Variants in WWC2 observed in about 807,000 individuals in gnomAD.
The protein encoded by WWC2 is WW and C2 domain containing 2.
Under a neutral mutation model 138.5 loss-of-function variants are expected in WWC2, and 101 were observed. The observed-to-expected ratio is 0.73, with a 90% CI of 0.62 to 0.86. WWC2 has a LOEUF of 0.86. WWC2 is among the 40% of genes least tolerant of loss of function. The probability of loss-of-function intolerance (pLI) is 0.00; values close to 1 mark genes in which losing one functional copy is unlikely to be tolerated. For missense variants in WWC2, 1,420 were observed against 1,419.4 expected, an observed-to-expected ratio of 1.00 and a Z score of -0.01; for synonymous variants, 558 against 538.4, an observed-to-expected ratio of 1.04 and a Z score of -0.50.
intron 1 of WWC2, among the ~76,000 whole-genome samples, chr4:183,110,194 A>G (rs1387789256): frequency 6.6e-6 from 1 of 152,260 alleles, no homozygotes; most frequent in Non-Finnish European, 1.5e-5. Context: ...AGTTGTACAT[A>G]GGACATGAGA....
chr4:183,180,678 A>G (rs931352274), intron 1 of WWC2, among the ~76,000 whole-genome samples: 3 of 152,166 alleles, frequency 2.0e-5, no homozygotes, highest in Non-Finnish European at 2.9e-5. Flanking sequence ...TGCATGCTAT[A>G]TAATAACATT....
intron 21 of WWC2, among the ~76,000 whole-genome samples, chr4:183,296,860 G>A (rs947793033): frequency 2.9e-5 from 4 of 138,784 alleles, no homozygotes; most frequent in African/African-American, 5.4e-5. Context: ...CGTGAACCCC[G>A]GAGGCGGAGC....
At chr4:183,176,712 C>A (rs1734477974) in intron 1 of WWC2, among the ~76,000 whole-genome samples, 1 of 152,130 alleles carries the variant, frequency 6.6e-6, no homozygotes, top group Admixed American at 6.5e-5. Flanking sequence ...CGTGAGCCAC[C>A]ATGCCCAGCC....
intron 1 of WWC2, among the ~76,000 whole-genome samples, chr4:183,167,148 C>T (rs1026505913): frequency 6.6e-6 from 1 of 152,144 alleles, no homozygotes; most frequent in East Asian, 1.9e-4. Flanking sequence ...GAGTGTGGTT[C>T]TTCTCTGTGT....
chr4:183,133,325 C>G (rs1389900582), intron 1 of WWC2, among the ~76,000 whole-genome samples: 6 of 151,690 alleles, frequency 4.0e-5, no homozygotes, highest in African/African-American at 1.5e-4. Context: ...TGCCTGTTTT[C>G]TTTTTTCAAA....
chr4:183,271,300 A>G, intron 16 of WWC2, 59 bp downstream of exon 16: 1 of 1,353,254 alleles, frequency 7.4e-7, no homozygotes, highest in African/African-American at 1.5e-5. Flanking sequence ...TGAAATACAT[A>G]TATGAAAGTA....
At chr4:183,133,297 G>C (rs1419748930) in intron 1 of WWC2, among the ~76,000 whole-genome samples, 1 of 151,498 alleles carries the variant, frequency 6.6e-6, no homozygotes, top group African/African-American at 2.4e-5. Flanking sequence ...TGGGACTATA[G>C]GAGCACACCC....
At chr4:183,136,385 ACTT>A (rs1488909719) in intron 1 of WWC2, among the ~76,000 whole-genome samples, 4 of 151,996 alleles carry the variant, frequency 2.6e-5, no homozygotes, top group Non-Finnish European at 5.9e-5. Context: ...CTGCTGTGAA[ACTT>A]CTTATTTGAA....
chr4:183,297,225 G>A (rs1023211972), intron 21 of WWC2, among the ~76,000 whole-genome samples: 12 of 151,792 alleles, frequency 7.9e-5, no homozygotes, highest in African/African-American at 4.8e-5. Context: ...CTCCCTCCTC[G>A]GCCTCCCAAA....
chr4:183,138,762 C>T (rs889337357), intron 1 of WWC2, among the ~76,000 whole-genome samples: 1 of 152,144 alleles, frequency 6.6e-6, no homozygotes, highest in African/African-American at 2.4e-5. Context: ...TTCTCGCTAG[C>T]TCATGGACAA....
intron 1 of WWC2, among the ~76,000 whole-genome samples, chr4:183,159,814 C>T (rs1441261283): frequency 6.6e-6 from 1 of 151,658 alleles, no homozygotes; most frequent in Non-Finnish European, 1.5e-5. Context: ...TTCCTCCTTC[C>T]ATATGCCTTA....
chr4:183,278,203 C>T (rs1030845008), intron 16 of WWC2, among the ~76,000 whole-genome samples: 2 of 151,836 alleles, frequency 1.3e-5, no homozygotes, highest in African/African-American at 4.8e-5. Flanking sequence ...TATGGCTAGC[C>T]AGTTTTCCCA....
At chr4:183,194,949 G>A (rs1735094574) in intron 2 of WWC2, among the ~76,000 whole-genome samples, 1 of 152,124 alleles carries the variant, frequency 6.6e-6, no homozygotes, top group African/African-American at 2.4e-5. Context: ...CGACTTTTTT[G>A]TAGAGCTATT....
At chr4:183,211,080 C>T (rs375225116) in intron 4 of WWC2, among the ~76,000 whole-genome samples, 5 of 152,288 alleles carry the variant, frequency 3.3e-5, no homozygotes, top group African/African-American at 1.2e-4. Flanking sequence ...TTTCTAACTT[C>T]CTTTATGATT....
intron 1 of WWC2, among the ~76,000 whole-genome samples, chr4:183,150,494 G>A (rs1733606219): frequency 6.6e-6 from 1 of 152,054 alleles, no homozygotes; most frequent in South Asian, 2.1e-4. Flanking sequence ...GTACGTTGAT[G>A]TCATTATATA....
chr4:183,287,080 A>G (rs1310705405), intron 20 of WWC2, among the ~76,000 whole-genome samples: 3 of 152,072 alleles, frequency 2.0e-5, no homozygotes, highest in African/African-American at 7.2e-5. Flanking sequence ...ATCAGGCATG[A>G]TGGCTGGGAA....
intron 20 of WWC2, among the ~76,000 whole-genome samples, chr4:183,286,852 C>T (rs372952568): frequency 2.0e-5 from 3 of 152,180 alleles, no homozygotes; most frequent in South Asian, 4.2e-4. Flanking sequence ...GGGAATTAGC[C>T]CATCTGATTG....
At chr4:183,197,822 A>C (rs1735186018) in intron 2 of WWC2, among the ~76,000 whole-genome samples, 1 of 152,132 alleles carries the variant, frequency 6.6e-6, no homozygotes, top group Non-Finnish European at 1.5e-5. Context: ...ACTTTGACGT[A>C]TGTATAGTCC....
At chr4:183,215,878 AT>A (rs1735742494) in intron 4 of WWC2, among the ~76,000 whole-genome samples, 1 of 152,176 alleles carries the variant, frequency 6.6e-6, no homozygotes, top group African/African-American at 2.4e-5. Flanking sequence ...AAAGCAATTA[AT>A]TTTTCCTGTT....
Sources: gnomAD v4.1 joint callset for allele counts (sites outside exome capture counted in the v4.1 genomes callset) on GRCh38, gnomAD v4.1.1 for gene constraint, MANE v1.5 for transcripts, NCBI Gene and HGNC (gene_info 2026-07-23, HGNC 2026-07-21) for gene names.